WFS1: variants seen among roughly 807,000 people sequenced by gnomAD.
WFS1 encodes the protein wolframin ER transmembrane glycoprotein.
A neutral mutation model predicts 68.5 loss-of-function variants in WFS1; 90 were observed. That is an observed-to-expected ratio of 1.31 (90% CI 1.11 to 1.56). The LOEUF (loss-of-function observed/expected upper bound fraction) is 1.56, where lower values mean the gene tolerates loss of function less well. Ranked by LOEUF, WFS1 falls within the 40% of genes most tolerant of loss-of-function variation. WFS1 has a pLI of 0.00. For synonymous variants in WFS1, 860 were observed against 540.7 expected (o/e 1.59, Z -8.19); for missense variants, 1,767 against 1,232.6 (o/e 1.43, Z -6.49).
At chr4:6,291,074 C>G (rs1158289338) in intron 4 of WFS1, 123 bp from the exon 5 acceptor site, 1 of 1,151,644 alleles carries the variant, frequency 8.7e-7, no homozygotes, top group Non-Finnish European at 1.3e-6. Flanking sequence ...TCCCTGGTAA[C>G]CAAGTCCTGA....
intron 7 of WFS1, 119 bp downstream of exon 7, chr4:6,295,308 T>C: frequency 8.0e-7 from 1 of 1,242,490 alleles, no homozygotes; most frequent in Non-Finnish European, 1.2e-6. Flanking sequence ...AAGAGTGTCT[T>C]ACAGCCGTGC....
At position 6,287,168 on chromosome 4, in the gene WFS1, A is replaced by T; in HGVS notation, c.308A>T (p.Gln103Leu). The T allele has an allele frequency of 6.4e-7, 1 of 1,558,706 alleles. No individual in the cohort carries two copies. Among genetic ancestry groups the T allele is most frequent in the Non-Finnish European group, 8.7e-7 (1 of 1,150,018 alleles). ...GCCAAGGCCGGGGACCCCAAGGCACAGACTGAGGTGAGGACTGCGGTGCCG... is the reference window on the plus strand; with the variant it reads ...GCCAAGGCCGGGGACCCCAAGGCACTGACTGAGGTGAGGACTGCGGTGCCG... Reference protein sequence around the residue: ...ERAKAGDPKAQTEVGKHYLQL... With the variant: ...ERAKAGDPKALTEVGKHYLQL... The change falls in exon 3 of 8, where the codon CAG becomes CTG. Residue 103 changes from glutamine (Q) to leucine (L), a missense_variant. Transcript: ENST00000226760. The surrounding 1 kb of genome is among the most constrained non-coding windows in gnomAD (Gnocchi z 6.4).
chr4:6,299,083 G>A (rs1221891404), intron 7 of WFS1, among the ~76,000 whole-genome samples: 2 of 152,242 alleles, frequency 1.3e-5, no homozygotes, highest in Non-Finnish European at 1.5e-5. Context: ...TGTATGCCAC[G>A]CCATGCTGTG....
Position 6,302,528 on chromosome 4 carries a change from G to T in WFS1, c.*60G>T. ...TGCCATGAGGCCTTTCCCCAGTGTGGCCCCAGCCCGACAGGCATGCACCAG... is the reference window on the plus strand; with the variant it reads ...TGCCATGAGGCCTTTCCCCAGTGTGTCCCCAGCCCGACAGGCATGCACCAG... On this transcript the variant is annotated 3_prime_UTR_variant, in exon 8 of 8. Transcript: ENST00000226760. The T allele has an allele frequency of 2.5e-6, 4 of 1,602,622 alleles. No individual in the cohort carries two copies. Among genetic ancestry groups the T allele is most frequent in the Non-Finnish European group, 3.4e-6 (4 of 1,177,660 alleles).
At chr4:6,288,368 A>G (rs2109114716) in intron 3 of WFS1, 1 of 156,526 alleles carries the variant, frequency 6.4e-6, no homozygotes, top group South Asian at 2.0e-4. Context: ...CACTTTTTCC[A>G]TCTGTAGAAT....
In WFS1 at chr4:6,301,004, G is replaced by T. The variant is rs779350842; in HGVS notation, c.1209G>T (p.Glu403Asp). The T allele has an allele frequency of 3.2e-5, 51 of 1,613,884 alleles. No homozygotes were observed. Among genetic ancestry groups the T allele is most frequent in the South Asian group, 1.1e-5 (1 of 91,086 alleles). ...TCAACTTCGGCTGGAACCACCTGGA[G>T]CCCTATGCCCATTTCCTGCTCTCTG... ...AEVNFGWNHL[E>D]PYAHFLLSVF... Residue 403 changes from glutamate to aspartate, a missense_variant, in exon 8 of 8, where the codon GAG becomes GAT. By Grantham distance (45) the Glu-to-Asp change is conservative (BLOSUM62 2). Transcript: ENST00000226760.
chr4:6,287,945 G>A lies in WFS1; in HGVS notation c.315+770G>A, dbSNP rs763898183. On this transcript the variant is annotated intron_variant, in intron 3 of 7. Coordinates refer to ENST00000226760, the MANE Select transcript of WFS1 (RefSeq NM_006005.3). This position sits in a 1 kb window ranked among gnomAD's most constrained non-coding sequence, Gnocchi z 6.4. ...AAATTAAGAATTTCTGGCTGGGAGC[G>A]GTGGCTCACGCCTGTAATCCCAGCA... 5.9e-5 allele frequency among the ~76,000 whole-genome samples: 9 copies of A among 152,178 alleles called. No homozygotes were observed. The highest frequency in any genetic ancestry group is 2.2e-4 in the African/African-American group (9 of 41,448).
Position 6,291,335 on chromosome 4 carries a change from T to C in WFS1, c.599T>C (p.Leu200Pro). 2.5e-6 allele frequency: 4 copies of C among 1,613,156 alleles called. No individual in the cohort carries two copies. Among genetic ancestry groups the C allele is most frequent in the African/African-American group, 1.3e-5 (1 of 75,000 alleles). ...AAGAAGCAGGTGGCCGTGGCGGAGCTGCTGGAGAATGTCGGCCAGGTCAAC... is the reference window on the plus strand; with the variant it reads ...AAGAAGCAGGTGGCCGTGGCGGAGCCGCTGGAGAATGTCGGCCAGGTCAAC... ...KKKKQVAVAE[L>P]LENVGQVNEH... Residue 200 changes from leucine to proline, a missense_variant, in exon 5 of 8, where the codon CTG becomes CCG. Physicochemically the swap from Leu to Pro is moderately conservative, Grantham distance 98. Transcript: ENST00000226760.
At chr4:6,277,759 C>T in intron 2 of WFS1, 72 bp downstream of exon 2, 2 of 1,517,050 alleles carry the variant, frequency 1.3e-6, no homozygotes, top group East Asian at 4.9e-5. Flanking sequence ...GGTTCAGCCA[C>T]CCCTGGAGGG....
intron 1 of WFS1, among the ~76,000 whole-genome samples, chr4:6,270,340 C>T (rs1028879359): frequency 1.3e-5 from 2 of 150,716 alleles, no homozygotes; most frequent in African/African-American, 4.8e-5. Context: ...CAGGCCCCCT[C>T]CCCGCGCCCC....
At chr4:6,294,572 G>A (rs567428267) in intron 6 of WFS1, among the ~76,000 whole-genome samples, 1 of 152,310 alleles carries the variant, frequency 6.6e-6, no homozygotes, top group East Asian at 1.9e-4. Context: ...TTGAATGGAG[G>A]GGTTGGGGGC....
chr4:6,272,320 G>C (rs560890555), intron 1 of WFS1, among the ~76,000 whole-genome samples: 1 of 152,300 alleles, frequency 6.6e-6, no homozygotes, highest in African/African-American at 2.4e-5. Context: ...TGCCAGGTGT[G>C]TGGTGGGGGC....
chr4:6,287,418 A>C lies in WFS1; in HGVS notation c.315+243A>C. ...CCCCCTTTTGTCCAACTCACACCTC[A>C]TCTTGGGCATCACCTCCTCCAGGAT... On this transcript the variant is annotated intron_variant, in intron 3 of 7. Coordinates refer to ENST00000226760, the MANE Select transcript of WFS1 (RefSeq NM_006005.3). This position sits in a 1 kb window ranked among gnomAD's most constrained non-coding sequence, Gnocchi z 6.4. 1.1e-5 allele frequency: 6 copies of C among 551,684 alleles called. No homozygotes were observed. The highest frequency in any genetic ancestry group is 9.8e-6 in the Non-Finnish European group (3 of 304,864). The allele number at this position is 551,684 out of a possible 1,614,324, so 34.2% of individuals were successfully genotyped here.
rs1222900668 is a variant in WFS1, at chr4:6,301,810, T to C, written c.2015T>C (p.Leu672Pro). ...CTGACCTGGCAGCAGTATGGTGCGC[T>C]GTGCGGGCCACGCGCCTGGAAGGAG... ...STLTWQQYGA[L>P]CGPRAWKETN... Residue 672 changes from leucine to proline, a missense_variant, in exon 8 of 8, where the codon CTG becomes CCG. Transcript: ENST00000226760. The C allele has an allele frequency of 4.3e-6, 7 of 1,613,332 alleles. No homozygotes were observed. Among genetic ancestry groups the C allele is most frequent in the Non-Finnish European group, 3.4e-6 (4 of 1,180,032 alleles).
chr4:6,295,849 TCTCACAGAGTTG>T (rs1250961456), intron 7 of WFS1, among the ~76,000 whole-genome samples: 1 of 149,788 alleles, frequency 6.7e-6, no homozygotes, highest in Non-Finnish European at 1.5e-5. Flanking sequence ...CCCTATGGCC[TCTCACAGAGTTG>T]CTCACAGTTC....
chr4:6,289,334 T>G (rs1730400068), intron 4 of WFS1, among the ~76,000 whole-genome samples: 1 of 152,266 alleles, frequency 6.6e-6, no homozygotes, highest in Admixed American at 6.5e-5. Context: ...CAAGCCATTT[T>G]CATTCTCTTT....
Position 6,301,788 on chromosome 4 carries a change from A to C in WFS1, c.1993A>C (p.Thr665Pro), listed in dbSNP as rs369656458. 3.7e-5 allele frequency: 60 copies of C among 1,613,298 alleles called. No homozygotes were observed. The highest frequency in any genetic ancestry group is 6.8e-6 in the Non-Finnish European group (8 of 1,180,010). ...EGMKVYNSTL[T>P]WQQYGALCGP... is the part of the protein sequence containing the mutation. ...CATGAAGGTCTACAACTCCACACTG[A>C]CCTGGCAGCAGTATGGTGCGCTGTG... is the stretch of plus-strand genomic sequence containing the variant. The change falls in exon 8 of 8, where the codon ACC becomes CCC. Residue 665 changes from threonine (T) to proline (P), a missense_variant. Coordinates refer to ENST00000226760, the MANE Select transcript of WFS1 (RefSeq NM_006005.3).
In WFS1 at chr4:6,294,221, T is replaced by G. The variant is rs536992212; in HGVS notation, c.713-820T>G. Among the ~76,000 whole-genome samples, 2 of 152,244 alleles carry G rather than the reference T, an allele frequency of 1.3e-5. 1 individual carries two copies. Among genetic ancestry groups the G allele is most frequent in the South Asian group, 4.1e-4 (2 of 4,824 alleles). On this transcript the variant is annotated intron_variant, in intron 6 of 7. Coordinates refer to ENST00000226760, the MANE Select transcript of WFS1 (RefSeq NM_006005.3). ...CCCATCCTTCCCCTGGAGGCCCTCCTGGTCACCATCTCACCACGGCAACTG... is the reference window on the plus strand; with the variant it reads ...CCCATCCTTCCCCTGGAGGCCCTCCGGGTCACCATCTCACCACGGCAACTG...
At chr4:6,273,224 T>C (rs546046633) in intron 1 of WFS1, among the ~76,000 whole-genome samples, 1 of 152,380 alleles carries the variant, frequency 6.6e-6, no homozygotes, top group Admixed American at 6.5e-5. Context: ...TCTGAGTGGA[T>C]GCATGGTGCC....
Sources: allele counts gnomAD v4.1 joint callset (sites outside exome capture counted in the v4.1 genomes callset), GRCh38; gene constraint gnomAD v4.1.1; non-coding constraint Gnocchi (gnomAD v3.1); transcripts MANE v1.5; gene names NCBI Gene and HGNC (gene_info 2026-07-23, HGNC 2026-07-21).